The following BAZ2B variants were observed in gnomAD, a reference collection of about 807,000 sequenced individuals.
BAZ2B encodes the protein bromodomain adjacent to zinc finger domain 2B.
Under a neutral mutation model 246.0 loss-of-function variants are expected in BAZ2B, and 91 were observed. That is an observed-to-expected ratio of 0.37 (90% confidence interval 0.31 to 0.44). The LOEUF (loss-of-function observed/expected upper bound fraction) is 0.44. Ranked by LOEUF, BAZ2B falls within the 20% of genes least tolerant of loss-of-function variation. The pLI, the probability that BAZ2B is intolerant of heterozygous loss-of-function variation, is 1.00. For synonymous variants in BAZ2B, 855 were observed against 860.0 expected (o/e 0.99, Z 0.10); for missense variants, 2,332 against 2,533.7 (o/e 0.92, Z 1.71).
At chr2:159,711,976 G>A in the BAZ2B span, 2 of 152,228 alleles carry the variant, frequency 1.3e-5, no homozygotes, top group Non-Finnish European at 2.9e-5. Flanking sequence ...AAGGGAAAGG[G>A]CTTGCAGTTA....
intron 13 of BAZ2B, among the ~76,000 whole-genome samples, chr2:159,415,650 T>G (rs899402239): frequency 6.6e-6 from 1 of 152,138 alleles, no homozygotes; most frequent in African/African-American, 2.4e-5. Context: ...TAAAACGTGT[T>G]TTTCTCTAAA....
intron 3 of BAZ2B, chr2:159,463,868 C>A (rs1484642670): frequency 2.0e-5 from 3 of 152,102 alleles, no homozygotes; most frequent in African/African-American, 7.2e-5. Context: ...CCACACCCAG[C>A]TAATTTTTGT....
intron 1 of BAZ2B, among the ~76,000 whole-genome samples, chr2:159,603,566 T>C (rs1341634951): frequency 6.6e-6 from 1 of 152,100 alleles, no homozygotes; most frequent in African/African-American, 2.4e-5. Flanking sequence ...ACAGAATCTC[T>C]GAATTATATC....
chr2:159,440,647 C>T (rs1464052398), intron 6 of BAZ2B, among the ~76,000 whole-genome samples: 1 of 151,796 alleles, frequency 6.6e-6, no homozygotes, highest in Non-Finnish European at 1.5e-5. Context: ...TCCTGAGTAG[C>T]TGGGATTACA....
chr2:159,662,589 A>G, the BAZ2B span, among the ~76,000 whole-genome samples: 1 of 152,058 alleles, frequency 6.6e-6, no homozygotes, highest in African/African-American at 2.4e-5. Context: ...CAATGGCGTG[A>G]TCTCTGCTCA....
Position 159,373,105 on chromosome 2 carries a change from G to A in BAZ2B, c.4153C>T (p.Arg1385Trp). Residue 1385 changes from arginine to tryptophan, a missense_variant, in exon 27 of 37, where the codon CGG (arginine) becomes TGG (tryptophan). Physicochemically the swap from Arg to Trp is moderately radical, Grantham distance 101 (BLOSUM62 -3). This residue lies in a region of BAZ2B where 676 missense variants were observed against 668.6 expected (regional missense o/e 1.01). Transcript: ENST00000392783. ...VMFGQDRYRR[R>W]YWILPQCGGI... Reference sequence around the variant, plus strand: ...CCACATTGGGGAAGAATCCAGTACCGGCGTCTGTAACGATCTTGGCCAAAC... The same window carrying A: ...CCACATTGGGGAAGAATCCAGTACCAGCGTCTGTAACGATCTTGGCCAAAC... The A allele has an allele frequency of 1.9e-6, 3 of 1,613,976 alleles. No homozygotes were observed. Among genetic ancestry groups the A allele is most frequent in the Non-Finnish European group, 2.5e-6 (3 of 1,179,912 alleles).
At chr2:159,698,515 CAAA>C in the BAZ2B span, among the ~76,000 whole-genome samples, 1 of 130,518 alleles carries the variant, frequency 7.7e-6, no homozygotes, top group African/African-American at 3.0e-5. Flanking sequence ...CACCATCCCA[CAAA>C]AAAAAAAAAA....
chr2:159,465,243 GTC>G (rs1048680492), intron 3 of BAZ2B, among the ~76,000 whole-genome samples: 1 of 152,164 alleles, frequency 6.6e-6, no homozygotes, highest in Admixed American at 6.5e-5. Context: ...TGCTGTGCAT[GTC>G]TCTGTGTCTA....
chr2:159,634,114 C>T, the BAZ2B span, among the ~76,000 whole-genome samples: 4 of 152,150 alleles, frequency 2.6e-5, no homozygotes, highest in Non-Finnish European at 5.9e-5. Flanking sequence ...TCACTACTGC[C>T]TTTAATAAGA....
intron 1 of BAZ2B, among the ~76,000 whole-genome samples, chr2:159,606,682 T>G (rs1218809121): frequency 3.3e-5 from 5 of 152,200 alleles, no homozygotes; most frequent in Admixed American, 2.6e-4. Context: ...TTTAAGGTTT[T>G]CTTATGACAA....
At chr2:159,654,971 T>C in the BAZ2B span, among the ~76,000 whole-genome samples, 3 of 152,174 alleles carry the variant, frequency 2.0e-5, no homozygotes, top group Non-Finnish European at 4.4e-5. Flanking sequence ...CTGAGGAAAA[T>C]ATAAACATTT....
intron 6 of BAZ2B, among the ~76,000 whole-genome samples, chr2:159,443,690 T>C (rs1383581329): frequency 1.3e-5 from 2 of 152,166 alleles, no homozygotes; most frequent in Non-Finnish European, 2.9e-5. Context: ...ACAATCTCTC[T>C]ATAATGTTAT....
intron 36 of BAZ2B, among the ~76,000 whole-genome samples, chr2:159,323,812 A>C (rs893531899): frequency 2.6e-5 from 4 of 151,906 alleles, no homozygotes; most frequent in Admixed American, 2.6e-4. Flanking sequence ...AAAAAAAAAA[A>C]AAAAGAACAA....
intron 13 of BAZ2B, among the ~76,000 whole-genome samples, chr2:159,424,156 T>G (rs1251048060): frequency 6.6e-6 from 1 of 152,180 alleles, no homozygotes; most frequent in Non-Finnish European, 1.5e-5. Context: ...TATGGGCTTT[T>G]TTTCTTTAAA....
chr2:159,481,788 G>GAA (rs879893531), intron 2 of BAZ2B, among the ~76,000 whole-genome samples: 1 of 134,288 alleles, frequency 7.4e-6, no homozygotes. Context: ...ATGAAAGAAA[G>GAA]AAAAAAAAAA....
intron 20 of BAZ2B, among the ~76,000 whole-genome samples, chr2:159,389,952 T>C (rs577734306): frequency 6.6e-6 from 1 of 152,260 alleles, no homozygotes; most frequent in Middle Eastern, 3.4e-3. Context: ...CTTAAGAGAA[T>C]GTAAAATCAG....
chr2:159,546,279 G>C (rs776983230), intron 2 of BAZ2B, among the ~76,000 whole-genome samples: 14 of 151,816 alleles, frequency 9.2e-5, no homozygotes, highest in Non-Finnish European at 1.3e-4. Context: ...GATAGTGAAT[G>C]AGTCTTATGA....
the BAZ2B span, among the ~76,000 whole-genome samples, chr2:159,629,420 G>C: frequency 6.6e-6 from 1 of 152,096 alleles, no homozygotes; most frequent in African/African-American, 2.4e-5. Context: ...ACTTGGAACC[G>C]ACCCAAATGC....
At chr2:159,610,606 T>C (rs6731277) in intron 1 of BAZ2B, among the ~76,000 whole-genome samples, 47,639 of 152,166 alleles carry the variant, frequency 0.31, 9,390 homozygotes, top group Admixed American at 0.48. Flanking sequence ...CATGCACACA[T>C]GTGCACAACA....
Sources: gnomAD v4.1 joint callset for allele counts (sites outside exome capture counted in the v4.1 genomes callset) on GRCh38, gnomAD v4.1.1 for gene constraint, gnomAD v4.1.1 regional missense constraint, MANE v1.5 for transcripts, NCBI Gene and HGNC (gene_info 2026-07-23, HGNC 2026-07-21) for gene names.